EYA1: variants seen among roughly 807,000 people sequenced by gnomAD.
EYA1 encodes the protein EYA transcriptional coactivator and phosphatase 1, also known as protein phosphatase EYA1.
In EYA1, 16 loss-of-function variants were observed where a neutral mutation model predicts 82.0. The ratio of observed to expected loss-of-function variants is 0.20; its 90% CI spans 0.13 to 0.30. The LOEUF (loss-of-function observed/expected upper bound fraction) is 0.30, where lower values mean the gene tolerates loss of function less well. EYA1 is among the 10% of genes least tolerant of loss of function. EYA1 has a pLI of 1.00. For missense variants in EYA1, 633 were observed against 730.7 expected (o/e 0.87, Z 1.54); for synonymous variants, 261 against 264.4 (o/e 0.99, Z 0.12).
At chr8:71,222,434 G>A (rs1203198691) in intron 12 of EYA1, among the ~76,000 whole-genome samples, 1 of 152,184 alleles carries the variant, frequency 6.6e-6, no homozygotes, top group Non-Finnish European at 1.5e-5. Context: ...CCCAGTCAGA[G>A]GTTGGTCTCT....
intron 11 of EYA1, among the ~76,000 whole-genome samples, chr8:71,267,643 G>T (rs1816008623): frequency 6.6e-6 from 1 of 152,150 alleles, no homozygotes; most frequent in Non-Finnish European, 1.5e-5. Context: ...CCGCCTCCCA[G>T]GTTCACGCCG....
intron 11 of EYA1, among the ~76,000 whole-genome samples, chr8:71,249,225 T>C (rs1813462058): frequency 6.6e-6 from 1 of 152,106 alleles, no homozygotes; most frequent in African/African-American, 2.4e-5. Flanking sequence ...GGCATTTTCC[T>C]AGAATCTATG....
At chr8:71,468,285 C>T (rs1247166894) in intron 2 of EYA1, among the ~76,000 whole-genome samples, 5 of 152,112 alleles carry the variant, frequency 3.3e-5, no homozygotes, top group African/African-American at 1.2e-4. Context: ...GGTCTTCCCA[C>T]TCACTACTCT....
chr8:71,270,326 C>G lies in EYA1; in HGVS notation c.967-503G>C, dbSNP rs184430724. 5 of 159,850 alleles carry G rather than the reference C, an allele frequency of 3.1e-5. No individual in the cohort carries two copies. The East Asian group carries it at 8.9e-4, about 29-fold the overall frequency. The allele number at this position is 159,850 out of a possible 1,614,324, so 9.9% of individuals were successfully genotyped here. A position where few individuals can be genotyped will look rare whatever the true frequency, so the allele number is the denominator to read the frequency against. On this transcript the variant is annotated intron_variant, in intron 10 of 17. Coordinates refer to ENST00000340726, the MANE Select transcript of EYA1 (RefSeq NM_000503.6). ...ACATAATAAATTCACCTTATGTTAC[C>G]TATTGAGCTGTTATCAAAGGGATGG...
chr8:71,469,954 CCCTTCTGGAGGTTCAGTTGTTCACCAAGG>C (rs1392180640), intron 2 of EYA1, among the ~76,000 whole-genome samples: 1 of 152,002 alleles, frequency 6.6e-6, no homozygotes, highest in Non-Finnish European at 1.5e-5. Flanking sequence ...CCAGCTGTTC[CCCTTCTGGAGGTTCAGTTGTTCACCAAGG>C]CCTTTGATTC....
chr8:71,313,842 G>A (rs529798178), intron 7 of EYA1, among the ~76,000 whole-genome samples: 11 of 152,196 alleles, frequency 7.2e-5, no homozygotes, highest in African/African-American at 2.6e-4. Context: ...AAATTAATCA[G>A]CAAAACACTT....
intron 9 of EYA1, among the ~76,000 whole-genome samples, chr8:71,278,659 C>G (rs1002665304): frequency 3.3e-5 from 5 of 152,160 alleles, no homozygotes; most frequent in African/African-American, 1.2e-4. Flanking sequence ...GATACTTCTC[C>G]CAGCCTGATA....
At chr8:71,251,641 G>A (rs1422873948) in intron 11 of EYA1, among the ~76,000 whole-genome samples, 1 of 152,178 alleles carries the variant, frequency 6.6e-6, no homozygotes, top group African/African-American at 2.4e-5. Context: ...TTGGCTGAGT[G>A]TCTGTAGAAC....
chr8:71,378,701 A>G (rs1022909716), intron 2 of EYA1, among the ~76,000 whole-genome samples: 2 of 152,240 alleles, frequency 1.3e-5, no homozygotes, highest in Non-Finnish European at 2.9e-5. Flanking sequence ...AATATATTTT[A>G]TAATCATTGG....
At chr8:71,448,511 C>G (rs185120717) in intron 2 of EYA1, among the ~76,000 whole-genome samples, 1 of 152,154 alleles carries the variant, frequency 6.6e-6, no homozygotes, top group African/African-American at 2.4e-5. Context: ...CTCCAACTTA[C>G]CCATGGAGGG....
chr8:71,427,737 T>A (rs549335393), intron 2 of EYA1, among the ~76,000 whole-genome samples: 22 of 152,262 alleles, frequency 1.4e-4, no homozygotes, highest in Admixed American at 1.2e-3. Flanking sequence ...GATGGAGCAG[T>A]AGGCCAAGTA....
chr8:71,366,585 C>T (rs1407499385), upstream of EYA1, among the ~76,000 whole-genome samples: 2 of 152,176 alleles, frequency 1.3e-5, no homozygotes, highest in Non-Finnish European at 2.9e-5. Flanking sequence ...GGTTTCATGA[C>T]AGCTGAGTTC....
intron 7 of EYA1, among the ~76,000 whole-genome samples, chr8:71,306,519 C>T (rs1820754896): frequency 6.6e-6 from 1 of 152,044 alleles, no homozygotes; most frequent in Non-Finnish European, 1.5e-5. Context: ...GGAGATGCCA[C>T]TCGGGGTTTG....
chr8:71,370,235 A>G (rs887760853), intron 2 of EYA1, among the ~76,000 whole-genome samples: 3 of 151,890 alleles, frequency 2.0e-5, no homozygotes, highest in African/African-American at 7.3e-5. Flanking sequence ...CCTTTCAGAA[A>G]TAGTTCATTG....
At chr8:71,316,953 C>T (rs1821993532) in intron 7 of EYA1, among the ~76,000 whole-genome samples, 1 of 152,164 alleles carries the variant, frequency 6.6e-6, no homozygotes, top group Non-Finnish European at 1.5e-5. Flanking sequence ...TTGACTTGTA[C>T]TTACATTATG....
At chr8:71,246,378 G>T (rs904537029) in intron 11 of EYA1, among the ~76,000 whole-genome samples, 1 of 152,240 alleles carries the variant, frequency 6.6e-6, no homozygotes, top group Non-Finnish European at 1.5e-5. Flanking sequence ...TGTGTGTCAT[G>T]TGCCTTTGAG....
chr8:71,462,113 A>T (rs894642543), intron 2 of EYA1, among the ~76,000 whole-genome samples: 1 of 152,010 alleles, frequency 6.6e-6, no homozygotes, highest in Admixed American at 6.5e-5. Context: ...CCTGGCCTGA[A>T]GGTGGGGCCT....
intron 2 of EYA1, among the ~76,000 whole-genome samples, chr8:71,487,391 A>G (rs1187713503): frequency 1.3e-5 from 2 of 152,178 alleles, no homozygotes; most frequent in Non-Finnish European, 2.9e-5. Context: ...CAGTCTACAA[A>G]GATCTGAGAC....
chr8:71,234,875 TAC>T (rs1424666638), intron 12 of EYA1, among the ~76,000 whole-genome samples: 1 of 152,150 alleles, frequency 6.6e-6, no homozygotes, highest in Non-Finnish European at 1.5e-5. Flanking sequence ...TCATACTTAA[TAC>T]ACTCAATACA....
Sources: allele counts gnomAD v4.1 joint callset (sites outside exome capture counted in the v4.1 genomes callset), GRCh38; gene constraint gnomAD v4.1.1; transcripts MANE v1.5; gene names NCBI Gene and HGNC (gene_info 2026-07-23, HGNC 2026-07-21).